Variants in CC2D1B observed in about 807,000 individuals in gnomAD.
CC2D1B encodes the protein coiled-coil and C2 domain-containing protein 1B.
A neutral mutation model predicts 110.8 loss-of-function variants in CC2D1B; 92 were observed. The observed-to-expected ratio is 0.83, with a 90% CI of 0.70 to 0.99. The LOEUF (loss-of-function observed/expected upper bound fraction) is 0.99, where lower values mean the gene tolerates loss of function less well. CC2D1B is among the 50% of genes least tolerant of loss of function. The pLI is 0.00. For missense variants in CC2D1B, 1,136 were observed against 1,089.0 expected (o/e 1.04, Z -0.61); for synonymous variants, 406 against 429.2 (o/e 0.95, Z 0.67).
rs1213373302 is a variant in CC2D1B at position 52,353,191 on chromosome 1, C to T, written c.*34G>A. 28 of 1,332,822 alleles carry T rather than the reference C, an allele frequency of 2.1e-5. No homozygotes were observed. Among genetic ancestry groups the T allele is most frequent in the East Asian group, 5.0e-5 (1 of 20,074 alleles). 82.6% of individuals were successfully genotyped at this position (1,332,822 alleles called of 1,614,324 possible). A position where few individuals can be genotyped will look rare whatever the true frequency, so the allele number is the denominator to read the frequency against. Reference sequence around the variant, plus strand: ...GGGAAAGTCATCTCCTGCACAGTCGCGGCCTGACTCCTCTCCTGGTGCTGG... The same window carrying T: ...GGGAAAGTCATCTCCTGCACAGTCGTGGCCTGACTCCTCTCCTGGTGCTGG... On this transcript the variant is annotated 3_prime_UTR_variant, in exon 25 of 25. Transcript: ENST00000284376.
chr1:52,354,626 C>A lies in CC2D1B; in HGVS notation c.2412G>T (p.Glu804Asp). 6.2e-7 allele frequency: 1 copy of A among 1,614,220 alleles called. No homozygotes were observed. The highest frequency in any genetic ancestry group is 8.5e-7 in the Non-Finnish European group (1 of 1,180,040). The part of the protein sequence containing the change: ...LKLERLENEC[E>D]IREIVEVLDG... ...CCCCTACCTCCACAATTTCTCTGAT[C>A]TCACACTCATTCTCCAGCCGCTCCA... The change falls in exon 23 of 25, where the codon GAG becomes GAT. Residue 804 changes from glutamate (E) to aspartate (D), a missense_variant. Coordinates refer to ENST00000284376, the MANE Select transcript of CC2D1B (RefSeq NM_001330585.2).
In CC2D1B at chr1:52,359,304, G is replaced by C. The variant is rs199510465; in HGVS notation, c.1072C>G (p.Pro358Ala). 5 of 1,613,480 alleles carry C rather than the reference G, an allele frequency of 3.1e-6. No individual in the cohort carries two copies. In the African/African-American group the frequency reaches 5.3e-5, roughly 17 times the overall value. ...ACTGGCTGCACTCGCTCCACGGCTGGGGGAATGACTGAGGGTGCTGTGGGA... is the reference window on the plus strand; with the variant it reads ...ACTGGCTGCACTCGCTCCACGGCTGCGGGAATGACTGAGGGTGCTGTGGGA... ...QAPTAPSVIP[P>A]AVERVQPVMA... Residue 358 changes from proline to alanine, a missense_variant, in exon 10 of 25, where the codon CCA becomes GCA. Physicochemically the swap from Pro to Ala is conservative, Grantham distance 27. Coordinates refer to ENST00000284376, the MANE Select transcript of CC2D1B (RefSeq NM_001330585.2).
chr1:52,359,215 G>A, intron 10 of CC2D1B, 35 bp downstream of exon 10: 1 of 1,611,044 alleles, frequency 6.2e-7, no homozygotes, highest in Non-Finnish European at 8.5e-7. Flanking sequence ...AATGCCTGCA[G>A]GTCCCCACGC....
chr1:52,355,486 A>AAAC, intron 20 of CC2D1B, 37 bp from the exon 21 acceptor site: 1 of 1,613,450 alleles, frequency 6.2e-7, no homozygotes. Context: ...GACAGCGTAT[A>AAAC]AACAAAGAGG....
Position 52,362,761 on chromosome 1 carries a change from G to A in CC2D1B, c.70-15C>T. 1 of 1,613,734 alleles carries A rather than the reference G, an allele frequency of 6.2e-7. No homozygotes were observed. Among genetic ancestry groups the A allele is most frequent in the Non-Finnish European group, 8.5e-7 (1 of 1,179,890 alleles). On this transcript the variant is annotated splice_polypyrimidine_tract_variant and intron_variant, in intron 2 of 24. Coordinates refer to ENST00000284376, the MANE Select transcript of CC2D1B (RefSeq NM_001330585.2). ...AAGAGCCCCATCTGAGAGCAGAGCAGGACTCTTAGGAACCACACAACAAGC... is the reference window on the plus strand; with the variant it reads ...AAGAGCCCCATCTGAGAGCAGAGCAAGACTCTTAGGAACCACACAACAAGC...
chr1:52,353,623 C>CCG lies in CC2D1B; in HGVS notation c.2454_2455insCG (p.Gly819ArgfsTer7). ...CTCACCTTCACCTCCAGCTTCCCCC[C>CCG]GGTGGGCTTCCTTCCATCCAGGACC... On this transcript the variant is annotated frameshift_variant, in exon 24 of 25. Transcript: ENST00000284376. LOFTEE classifies it high-confidence loss of function. 5.6e-6 allele frequency: 9 copies of CCG among 1,607,986 alleles called. No homozygotes were observed. Among genetic ancestry groups the CCG allele is most frequent in the Non-Finnish European group, 7.6e-6 (9 of 1,177,024 alleles).
rs1023309108 is a variant in CC2D1B, at chr1:52,350,666, G to T, written c.*2559C>A. 2 of 152,212 alleles carry T rather than the reference G, an allele frequency of 1.3e-5. No individual in the cohort carries two copies. Among genetic ancestry groups the T allele is most frequent in the African/African-American group, 4.8e-5 (2 of 41,456 alleles). The allele number at this position is 152,212 out of a possible 1,614,324, so 9.4% of individuals were successfully genotyped here. A position where few individuals can be genotyped will look rare whatever the true frequency, so the allele number is the denominator to read the frequency against. ...AAAGTGTGCATTGCATGAGATCAAA[G>T]AATTGAAAATTTTAAAATGATTTGG... On this transcript the variant is annotated 3_prime_UTR_variant, in exon 25 of 25. Transcript: ENST00000284376.
rs1646549062 is a variant in CC2D1B at position 52,352,584 on chromosome 1, T to C, written c.*641A>G. The C allele has an allele frequency of 6.6e-6, 1 of 152,652 alleles. No homozygotes were observed. Among genetic ancestry groups the C allele is most frequent in the African/African-American group, 2.4e-5 (1 of 41,450 alleles). The allele number at this position is 152,652 out of a possible 1,614,324, so 9.5% of individuals were successfully genotyped here. A position where few individuals can be genotyped will look rare whatever the true frequency, so the allele number is the denominator to read the frequency against. On this transcript the variant is annotated 3_prime_UTR_variant, in exon 25 of 25. Transcript: ENST00000284376. ...TCTTCCAGTTAACAGTCTTTTCTCTTGGGTGGGTAGACCAAACCCAAGATC... is the reference window on the plus strand; with the variant it reads ...TCTTCCAGTTAACAGTCTTTTCTCTCGGGTGGGTAGACCAAACCCAAGATC...
intron 23 of CC2D1B, chr1:52,353,958 C>G: frequency 3.3e-6 from 1 of 300,110 alleles, no homozygotes; most frequent in Non-Finnish European, 6.3e-6. Context: ...TTCCACTGAC[C>G]CAAACCCTCA....
chr1:52,361,127 C>T lies in CC2D1B; in HGVS notation c.324G>A (p.Glu108=). The part of the protein sequence containing the change: ...GLEEDAELLT[E]LQEVLGVDEE... The stretch of plus-strand genomic sequence containing the variant: ...CGTCCACACCTAAGACCTCCTGCAG[C>T]TCCGTCTAGGGAGACAAAACACAGC... Residue 108 remains glutamate (E), a synonymous_variant, in exon 5 of 25, where the codon GAG becomes GAA. Transcript: ENST00000284376. 1 of 1,614,082 alleles carries T rather than the reference C, an allele frequency of 6.2e-7. No homozygotes were observed. The highest frequency in any genetic ancestry group is 1.1e-5 in the South Asian group (1 of 91,080).
chr1:52,362,342 C>T (rs1646798809), intron 3 of CC2D1B, among the ~76,000 whole-genome samples: 1 of 152,222 alleles, frequency 6.6e-6, no homozygotes, highest in South Asian at 2.1e-4. Flanking sequence ...TACCCTACAC[C>T]AATACCGTGG....
At chr1:52,355,244 T>C (rs559007372) in intron 21 of CC2D1B, among the ~76,000 whole-genome samples, 154 bp downstream of exon 21, 11 of 152,340 alleles carry the variant, frequency 7.2e-5, no homozygotes, top group African/African-American at 2.6e-4. Flanking sequence ...CCTCTCTGCG[T>C]GTTTCTCCAA....
rs1275122348 is a variant in CC2D1B at position 52,354,602 on chromosome 1, C to A, written c.2430+6G>T. 5.0e-6 allele frequency: 8 copies of A among 1,613,788 alleles called. No individual in the cohort carries two copies. In the East Asian group the frequency reaches 1.8e-4, roughly 36 times the overall value. On this transcript the variant is annotated splice_donor_region_variant and intron_variant, in intron 23 of 24. Coordinates refer to ENST00000284376, the MANE Select transcript of CC2D1B (RefSeq NM_001330585.2). ...CCCTTTGGCTTGCCCACACCCCAGC[C>A]CCTACCTCCACAATTTCTCTGATCT...
rs1236541658 is a variant in CC2D1B, at chr1:52,352,564, C to G, written c.*661G>C. ...AATTTTATATATATATTTTTTCTTC[C>G]AGTTAACAGTCTTTTCTCTTGGGTG... On this transcript the variant is annotated 3_prime_UTR_variant, in exon 25 of 25. Coordinates refer to ENST00000284376, the MANE Select transcript of CC2D1B (RefSeq NM_001330585.2). 6.6e-6 allele frequency: 1 copy of G among 152,408 alleles called. No individual in the cohort carries two copies. The highest frequency in any genetic ancestry group is 2.4e-5 in the African/African-American group (1 of 41,358). The allele number at this position is 152,408 out of a possible 1,614,324, so 9.4% of individuals were successfully genotyped here. A position where few individuals can be genotyped will look rare whatever the true frequency, so the allele number is the denominator to read the frequency against.
In CC2D1B at chr1:52,362,764, C is replaced by T. The variant is rs777349743; in HGVS notation, c.70-18G>A. The T allele has an allele frequency of 6.2e-7, 1 of 1,613,410 alleles. No individual in the cohort carries two copies. The highest frequency in any genetic ancestry group is 1.1e-5 in the South Asian group (1 of 91,058). ...AGCCCCATCTGAGAGCAGAGCAGGA[C>T]TCTTAGGAACCACACAACAAGCAGG... is the stretch of plus-strand genomic sequence containing the variant. On this transcript the variant is annotated intron_variant, in intron 2 of 24. Coordinates refer to ENST00000284376, the MANE Select transcript of CC2D1B (RefSeq NM_001330585.2).
At chr1:52,360,302 A>C in intron 6 of CC2D1B, 69 bp from the exon 7 acceptor site, 1 of 1,601,534 alleles carries the variant, frequency 6.2e-7, no homozygotes, top group East Asian at 2.2e-5. Flanking sequence ...AAGACAGGCC[A>C]GGGGTGGCCC....
Position 52,357,579 on chromosome 1 carries a change from G to T in CC2D1B, c.1699C>A (p.Leu567Ile). 6.3e-7 allele frequency: 1 copy of T among 1,585,350 alleles called. No individual in the cohort carries two copies. Among genetic ancestry groups the T allele is most frequent in the East Asian group, 2.3e-5 (1 of 43,594 alleles). ...AKAYLRVAKW[L>I]EAQIIQARSG... is the part of the protein sequence containing the mutation. ...CGGGCCTGGATGATCTGAGCCTCAA[G>T]CCATTTGGCTACCCGCAGATAGGCT... The change falls in exon 15 of 25, where the codon CTT becomes ATT. Residue 567 changes from leucine (L) to isoleucine (I), a missense_variant. Leu to Ile is a conservative substitution (Grantham distance 5). Coordinates refer to ENST00000284376, the MANE Select transcript of CC2D1B (RefSeq NM_001330585.2).
At chr1:52,360,767 C>G in intron 5 of CC2D1B, 1 of 896,944 alleles carries the variant, frequency 1.1e-6, no homozygotes, top group South Asian at 1.8e-5. Context: ...GATATGGCTC[C>G]CGGGGGGTAG....
At chr1:52,359,418 C>A (rs550880490) in intron 9 of CC2D1B, 41 bp downstream of exon 9, 3 of 1,613,276 alleles carry the variant, frequency 1.9e-6, no homozygotes, top group South Asian at 1.1e-5. Context: ...GCCTGCTACT[C>A]CTCCCCAACC....
Sources: gnomAD v4.1 joint callset for allele counts (sites outside exome capture counted in the v4.1 genomes callset) on GRCh38, gnomAD v4.1.1 for gene constraint, MANE v1.5 for transcripts, NCBI Gene and HGNC (gene_info 2026-07-23, HGNC 2026-07-21) for gene names.